The following INPP4B variants were observed in gnomAD, a reference collection of about 807,000 sequenced individuals.
The protein encoded by INPP4B is inositol polyphosphate 4-phosphatase type II.
INPP4B carries 55 observed loss-of-function variants against 122.5 expected under a neutral mutation model. The ratio of observed to expected loss-of-function variants is 0.45; its 90% CI spans 0.36 to 0.56. INPP4B has a LOEUF of 0.56. INPP4B is among the 20% of genes least tolerant of loss of function. The pLI, the probability that INPP4B is intolerant of heterozygous loss-of-function variation, is 0.00. For synonymous variants in INPP4B, 403 were observed against 388.7 expected, an observed-to-expected ratio of 1.04 and a Z score of -0.43; for missense variants, 1,000 against 1,097.7, an observed-to-expected ratio of 0.91 and a Z score of 1.26.
At chr4:142,359,176 C>T (rs1254149059) in intron 7 of INPP4B, among the ~76,000 whole-genome samples, 1 of 151,610 alleles carries the variant, frequency 6.6e-6, no homozygotes, top group African/African-American at 2.4e-5. Context: ...TCTTTCTTCC[C>T]TTTCTTTAAA....
intron 1 of INPP4B, among the ~76,000 whole-genome samples, chr4:142,770,012 G>C (rs1245291653): frequency 6.6e-6 from 1 of 152,198 alleles, no homozygotes; most frequent in Non-Finnish European, 1.5e-5. Context: ...TTTTCTTCAA[G>C]TGAGAGAGAG....
chr4:142,490,502 C>A (rs1821743341), intron 2 of INPP4B, among the ~76,000 whole-genome samples: 1 of 151,966 alleles, frequency 6.6e-6, no homozygotes, highest in Non-Finnish European at 1.5e-5. Flanking sequence ...ATACATTGTG[C>A]AATAGCTAAA....
intron 1 of INPP4B, among the ~76,000 whole-genome samples, chr4:142,754,086 A>G (rs1770138227): frequency 6.6e-6 from 1 of 152,112 alleles, no homozygotes; most frequent in Non-Finnish European, 1.5e-5. Context: ...GTAAGTTTGT[A>G]TTTAATGCCG....
At chr4:142,827,529 ATT>A (rs529608857) in intron 1 of INPP4B, among the ~76,000 whole-genome samples, 83 of 152,326 alleles carry the variant, frequency 5.4e-4, no homozygotes, top group African/African-American at 2.0e-3. Flanking sequence ...ACAATTTAGA[ATT>A]TGCCCAAGTA....
chr4:142,299,623 G>A (rs955952631), intron 9 of INPP4B, among the ~76,000 whole-genome samples: 22 of 150,364 alleles, frequency 1.5e-4, no homozygotes, highest in East Asian at 1.4e-3. Context: ...TGCTTTCAAC[G>A]AAGTATAACA....
At chr4:142,720,258 C>G (rs906890642) in intron 2 of INPP4B, among the ~76,000 whole-genome samples, 3 of 152,114 alleles carry the variant, frequency 2.0e-5, no homozygotes, top group African/African-American at 7.2e-5. Context: ...AATTAAGTAC[C>G]TACTATTCTC....
intron 1 of INPP4B, among the ~76,000 whole-genome samples, chr4:142,790,708 A>G (rs1441213572): frequency 6.6e-6 from 1 of 152,048 alleles, no homozygotes; most frequent in Non-Finnish European, 1.5e-5. Flanking sequence ...TTAACTATTA[A>G]ACTGCTTTAT....
chr4:142,174,990 G>A (rs1414497134), intron 15 of INPP4B, among the ~76,000 whole-genome samples: 2 of 151,946 alleles, frequency 1.3e-5, no homozygotes, highest in African/African-American at 4.8e-5. Flanking sequence ...TTAGAGTGAA[G>A]GAATCTTTGA....
chr4:142,592,624 CTAGAAA>C (rs1737749108), intron 2 of INPP4B, among the ~76,000 whole-genome samples: 1 of 152,136 alleles, frequency 6.6e-6, no homozygotes, highest in Non-Finnish European at 1.5e-5. Context: ...TACCCATAGA[CTAGAAA>C]TATTTTCTTT....
chr4:142,146,874 C>G (rs1579073149), intron 17 of INPP4B, among the ~76,000 whole-genome samples: 1 of 152,320 alleles, frequency 6.6e-6, no homozygotes, highest in East Asian at 1.9e-4. Flanking sequence ...TAACGGGCCT[C>G]TTTGCCACTA....
At chr4:142,307,528 C>A (rs1763888292) in intron 8 of INPP4B, among the ~76,000 whole-genome samples, 1 of 152,174 alleles carries the variant, frequency 6.6e-6, no homozygotes, top group African/African-American at 2.4e-5. Context: ...GGCATAGACA[C>A]TGGCCTTTAA....
rs146907621 is a variant in INPP4B at position 142,622,297 on chromosome 4, C to G, written c.-191+103542G>C. 5.8e-3 allele frequency among the ~76,000 whole-genome samples: 872 copies of G among 151,560 alleles called. 7 individuals carry two copies. The highest frequency in any genetic ancestry group is 0.019 in the African/African-American group (779 of 41,350). On this transcript the variant is annotated intron_variant, in intron 2 of 25. Transcript: ENST00000262992. ...TAAAGTCAGGGGTTTCTTTATAATGCCGATGTGAATCAACAGTAAAAGCTT... is the reference window on the plus strand; with the variant it reads ...TAAAGTCAGGGGTTTCTTTATAATGGCGATGTGAATCAACAGTAAAAGCTT...
intron 12 of INPP4B, among the ~76,000 whole-genome samples, chr4:142,211,360 C>T (rs1432031726): frequency 6.6e-6 from 1 of 152,074 alleles, no homozygotes; most frequent in African/African-American, 2.4e-5. Context: ...GGTAAACTTT[C>T]CAATCAGGAA....
At chr4:142,196,423 C>T (rs1168228413) in intron 14 of INPP4B, among the ~76,000 whole-genome samples, 1 of 152,138 alleles carries the variant, frequency 6.6e-6, no homozygotes, top group Non-Finnish European at 1.5e-5. Context: ...GCTCTTCCTT[C>T]CTGATTCCCT....
intron 21 of INPP4B, among the ~76,000 whole-genome samples, chr4:142,116,729 C>T (rs1022980932): frequency 2.6e-5 from 4 of 152,202 alleles, no homozygotes; most frequent in African/African-American, 9.6e-5. Context: ...AAAATTGACA[C>T]CCTAACATCA....
chr4:142,731,169 C>CCCCT (rs1766028632), intron 1 of INPP4B, among the ~76,000 whole-genome samples: 1 of 152,068 alleles, frequency 6.6e-6, no homozygotes, highest in Non-Finnish European at 1.5e-5. Flanking sequence ...GTGTATTGTT[C>CCCCT]CCCTCCCTGT....
At chr4:142,190,348 T>G (rs1360218343) in intron 15 of INPP4B, among the ~76,000 whole-genome samples, 1 of 152,236 alleles carries the variant, frequency 6.6e-6, no homozygotes, top group Non-Finnish European at 1.5e-5. Context: ...ATAGTCATTT[T>G]TACTTCTATA....
chr4:142,266,218 G>A (rs1261174943), intron 10 of INPP4B, among the ~76,000 whole-genome samples: 1 of 152,128 alleles, frequency 6.6e-6, no homozygotes, highest in East Asian at 1.9e-4. Context: ...AACAAGGATG[G>A]AATGAAGGGA....
At chr4:142,738,109 G>T (rs1162517045) in intron 1 of INPP4B, among the ~76,000 whole-genome samples, 1 of 152,108 alleles carries the variant, frequency 6.6e-6, no homozygotes, top group Non-Finnish European at 1.5e-5. Context: ...CCATTACTGG[G>T]TATATACCCA....
Sources: gnomAD v4.1 joint callset for allele counts (sites outside exome capture counted in the v4.1 genomes callset) on GRCh38, gnomAD v4.1.1 for gene constraint, MANE v1.5 for transcripts, NCBI Gene and HGNC (gene_info 2026-07-23, HGNC 2026-07-21) for gene names.